Variants in USP47 observed in about 807,000 individuals in gnomAD.
The protein encoded by USP47 is ubiquitin carboxyl-terminal hydrolase 47.
A neutral mutation model predicts 165.1 loss-of-function variants in USP47; 35 were observed. That is an observed-to-expected ratio of 0.21 (90% CI 0.16 to 0.28). The LOEUF is 0.28. Ranked by LOEUF, USP47 falls within the 10% of genes least tolerant of loss-of-function variation. USP47 has a pLI of 1.00. For missense variants in USP47, 1,277 were observed against 1,607.4 expected, an observed-to-expected ratio of 0.79 and a Z score of 3.52; for synonymous variants, 531 against 544.5, an observed-to-expected ratio of 0.98 and a Z score of 0.35.
intron 11 of USP47, among the ~76,000 whole-genome samples, chr11:11,927,522 T>G (rs1250129241): frequency 6.6e-6 from 1 of 152,160 alleles, no homozygotes; most frequent in African/African-American, 2.4e-5. Flanking sequence ...ATACTCACTC[T>G]TTGACCCTTG....
intron 1 of USP47, among the ~76,000 whole-genome samples, chr11:11,875,027 G>T (rs991539681): frequency 7.2e-6 from 1 of 139,422 alleles, no homozygotes; most frequent in Admixed American, 7.2e-5. Flanking sequence ...AGAGAAAATT[G>T]ACTTATTGTG....
chr11:11,842,339 A>G, intron 1 of USP47, 115 bp downstream of exon 1: 1 of 1,230,490 alleles, frequency 8.1e-7, no homozygotes, highest in Non-Finnish European at 1.1e-6. Context: ...CTGTGGGGGA[A>G]TGAGGAGGCG....
chr11:11,920,612 C>T, intron 10 of USP47, 118 bp downstream of exon 10: 5 of 869,836 alleles, frequency 5.7e-6, no homozygotes, highest in Non-Finnish European at 8.0e-6. Flanking sequence ...TTGATGGAAA[C>T]TTTTTCTTTC....
chr11:11,896,287 AC>A (rs1365593350), intron 4 of USP47, among the ~76,000 whole-genome samples: 2 of 152,194 alleles, frequency 1.3e-5, no homozygotes, highest in African/African-American at 4.8e-5. Context: ...AAGGTCACAA[AC>A]AAGTGATACA....
rs1463052113 is a variant in USP47 at position 11,892,384 on chromosome 11, T to TC, written c.496+278_496+279insC. Among the ~76,000 whole-genome samples, 24 of 145,460 alleles carry TC rather than the reference T, an allele frequency of 1.6e-4. 1 individual carries two copies. The highest frequency in any genetic ancestry group is 7.1e-3 in the Middle Eastern group (2 of 282). ...TTTTCTTTTCTTTTTAATTTTCTTTTTTTTTTTTTTTTTTTGAGACAGAGT... is the reference window on the plus strand; with the variant it reads ...TTTTCTTTTCTTTTTAATTTTCTTTTCTTTTTTTTTTTTTTTGAGACAGAGT... On this transcript the variant is annotated intron_variant, in intron 4 of 27. Coordinates refer to ENST00000527733, the MANE Select transcript of USP47 (RefSeq NM_001282659.2).
intron 7 of USP47, among the ~76,000 whole-genome samples, chr11:11,904,786 T>A (rs750435753): frequency 6.6e-6 from 1 of 152,152 alleles, no homozygotes; most frequent in Non-Finnish European, 1.5e-5. Flanking sequence ...GAGGTGGATT[T>A]TAAGATTTTT....
At chr11:11,897,417 A>G (rs1851917887) in intron 4 of USP47, among the ~76,000 whole-genome samples, 180 bp from the exon 5 acceptor site, 1 of 152,066 alleles carries the variant, frequency 6.6e-6, no homozygotes, top group Admixed American at 6.6e-5. Flanking sequence ...AACAAAGCTT[A>G]CTTAGAGCAC....
chr11:11,859,058 T>C (rs552572788), intron 1 of USP47, among the ~76,000 whole-genome samples: 1 of 152,314 alleles, frequency 6.6e-6, no homozygotes, highest in Admixed American at 6.5e-5. Context: ...TTTTTAACCA[T>C]TTTATTAAGT....
intron 1 of USP47, among the ~76,000 whole-genome samples, chr11:11,872,490 A>G (rs1039993028): frequency 3.3e-5 from 5 of 152,206 alleles, no homozygotes; most frequent in Non-Finnish European, 7.3e-5. Context: ...ATTTGTGGAT[A>G]TGTTTTAAAG....
intron 17 of USP47, among the ~76,000 whole-genome samples, chr11:11,937,769 CTG>C (rs1179082274): frequency 1.3e-5 from 2 of 151,748 alleles, no homozygotes; most frequent in Non-Finnish European, 2.9e-5. Flanking sequence ...AGGGAAAAAA[CTG>C]AGGATTGACA....
intron 11 of USP47, 117 bp downstream of exon 11, chr11:11,923,008 A>C: frequency 1.7e-6 from 1 of 584,158 alleles, no homozygotes. Flanking sequence ...TAATTTTTGA[A>C]AGTTAAGACT....
chr11:11,920,595 T>G (rs1168992891), intron 10 of USP47, 101 bp downstream of exon 10: 2 of 1,087,840 alleles, frequency 1.8e-6, no homozygotes, highest in Non-Finnish European at 2.5e-6. Flanking sequence ...TCATTTGGAC[T>G]GTCTTCTTGA....
intron 10 of USP47, among the ~76,000 whole-genome samples, chr11:11,922,017 A>G (rs1273774780): frequency 6.6e-6 from 1 of 151,954 alleles, no homozygotes; most frequent in Admixed American, 6.6e-5. Flanking sequence ...AATGCCTTAT[A>G]CATTTCAAAA....
intron 25 of USP47, among the ~76,000 whole-genome samples, chr11:11,954,227 G>C (rs772766791): frequency 4.8e-4 from 73 of 152,152 alleles, no homozygotes; most frequent in Non-Finnish European, 9.0e-4. Context: ...TCCAGTCTAG[G>C]TGATGGAGTG....
chr11:11,865,742 C>T (rs1424008485), intron 1 of USP47, among the ~76,000 whole-genome samples: 9 of 151,894 alleles, frequency 5.9e-5, no homozygotes, highest in Admixed American at 5.2e-4. Flanking sequence ...GAAGTCGTTA[C>T]TCTTTGTGGT....
At chr11:11,846,530 C>A (rs1274710366) in intron 1 of USP47, among the ~76,000 whole-genome samples, 2 of 151,762 alleles carry the variant, frequency 1.3e-5, no homozygotes, top group African/African-American at 4.8e-5. Context: ...GTTTTTTTCT[C>A]CTGTCTTTCA....
chr11:11,855,005 G>C (rs1384769270), intron 1 of USP47, among the ~76,000 whole-genome samples: 2 of 151,698 alleles, frequency 1.3e-5, no homozygotes, highest in African/African-American at 4.8e-5. Flanking sequence ...TGAGGCAGGA[G>C]AATGGTGTGA....
At chr11:11,921,742 A>G (rs1385985219) in intron 10 of USP47, among the ~76,000 whole-genome samples, 4 of 151,880 alleles carry the variant, frequency 2.6e-5, no homozygotes, top group Non-Finnish European at 5.9e-5. Context: ...AGGAAAACTT[A>G]TATATGAAGC....
chr11:11,855,576 A>T (rs1848991545), intron 1 of USP47, among the ~76,000 whole-genome samples: 1 of 152,230 alleles, frequency 6.6e-6, no homozygotes. Context: ...ATCTTTCTGT[A>T]TAAAGATGTG....
Sources: gnomAD v4.1 joint callset for allele counts (sites outside exome capture counted in the v4.1 genomes callset) on GRCh38, gnomAD v4.1.1 for gene constraint, MANE v1.5 for transcripts, NCBI Gene and HGNC (gene_info 2026-07-23, HGNC 2026-07-21) for gene names.